The following IRAK3 variants were observed in gnomAD, a reference collection of about 807,000 sequenced individuals.
The protein encoded by IRAK3 is interleukin 1 receptor associated kinase 3.
A neutral mutation model predicts 56.6 loss-of-function variants in IRAK3; 57 were observed. That is an observed-to-expected ratio of 1.01 (90% CI 0.81 to 1.26). The LOEUF is 1.26. IRAK3 is among the 50% of genes most tolerant of loss of function. The pLI is 0.00. For synonymous variants in IRAK3, 258 were observed against 255.7 expected, an observed-to-expected ratio of 1.01 and a Z score of -0.09; for missense variants, 703 against 719.0, an observed-to-expected ratio of 0.98 and a Z score of 0.25.
At chr12:66,230,561 A>G (rs1201787069) in intron 8 of IRAK3, among the ~76,000 whole-genome samples, 1 of 151,786 alleles carries the variant, frequency 6.6e-6, no homozygotes, top group African/African-American at 2.4e-5. Flanking sequence ...GCTCCCTTCT[A>G]CCAAGACAGT....
At chr12:66,222,967 G>A (rs1196004455) in intron 6 of IRAK3, among the ~76,000 whole-genome samples, 3 of 151,644 alleles carry the variant, frequency 2.0e-5, no homozygotes, top group South Asian at 4.2e-4. Context: ...GGGTGGAGCC[G>A]TTTTATAGGA....
At chr12:66,205,969 A>G (rs1187931543) in intron 2 of IRAK3, among the ~76,000 whole-genome samples, 2 of 152,140 alleles carry the variant, frequency 1.3e-5, no homozygotes, top group Non-Finnish European at 2.9e-5. Context: ...TTTTGTTATT[A>G]TATTTCTGGC....
intron 8 of IRAK3, chr12:66,234,200 G>T (rs982866797): frequency 6.2e-7 from 1 of 1,614,032 alleles, no homozygotes. Flanking sequence ...TGGCAAGTAG[G>T]CTCCTTGCAT....
At chr12:66,204,485 G>T (rs1415493479) in intron 2 of IRAK3, among the ~76,000 whole-genome samples, 2 of 152,064 alleles carry the variant, frequency 1.3e-5, no homozygotes, top group Non-Finnish European at 2.9e-5. Flanking sequence ...TTCTGGGTCT[G>T]TGTCATGCCT....
At chr12:66,207,765 C>T (rs2052571191) in intron 2 of IRAK3, among the ~76,000 whole-genome samples, 2 of 152,000 alleles carry the variant, frequency 1.3e-5, no homozygotes, top group African/African-American at 4.8e-5. Flanking sequence ...TCTCTCATGA[C>T]TTCTTTTTTA....
intron 5 of IRAK3, among the ~76,000 whole-genome samples, chr12:66,214,585 A>C (rs1450493409): frequency 8.0e-6 from 1 of 125,268 alleles, no homozygotes; most frequent in Non-Finnish European, 1.9e-5. Context: ...GACTGGAGGC[A>C]GAAAGACCTG....
intron 1 of IRAK3, among the ~76,000 whole-genome samples, chr12:66,192,889 A>G (rs2052412358): frequency 6.6e-6 from 1 of 152,170 alleles, no homozygotes; most frequent in Non-Finnish European, 1.5e-5. Flanking sequence ...ACTTGCCTTG[A>G]GTCACAGTCT....
intron 1 of IRAK3, chr12:66,197,235 T>C (rs2052462942): frequency 8.2e-7 from 1 of 1,221,888 alleles, no homozygotes; most frequent in East Asian, 3.4e-5. Flanking sequence ...CAGTTTAGAA[T>C]GCTTTTAACT....
intron 5 of IRAK3, among the ~76,000 whole-genome samples, chr12:66,213,630 T>C (rs1187026023): frequency 6.6e-6 from 1 of 152,076 alleles, no homozygotes; most frequent in East Asian, 1.9e-4. Flanking sequence ...TAATGATATG[T>C]CAACTTAAGA....
chr12:66,233,290 A>G (rs1016126476), intron 8 of IRAK3, among the ~76,000 whole-genome samples: 2 of 152,170 alleles, frequency 1.3e-5, no homozygotes, highest in African/African-American at 4.8e-5. Flanking sequence ...AGGACGAGGC[A>G]GGCGGATCAC....
intron 1 of IRAK3, 96 bp from the exon 2 acceptor site, chr12:66,203,615 T>C: frequency 8.9e-7 from 1 of 1,118,814 alleles, no homozygotes; most frequent in Non-Finnish European, 1.3e-6. Flanking sequence ...AAGTTAAAGT[T>C]ATAAATAAGA....
intron 8 of IRAK3, among the ~76,000 whole-genome samples, chr12:66,238,502 T>C (rs1241438930): frequency 1.3e-5 from 2 of 152,204 alleles, no homozygotes; most frequent in African/African-American, 4.8e-5. Flanking sequence ...TCATGCACTT[T>C]TTAAGGAATT....
chr12:66,217,308 GCA>G (rs929631728), intron 6 of IRAK3, 73 bp downstream of exon 6: 2 of 1,100,646 alleles, frequency 1.8e-6, no homozygotes, highest in African/African-American at 1.5e-5. Context: ...TTATTTTACA[GCA>G]CAGAGCTTGG....
intron 1 of IRAK3, among the ~76,000 whole-genome samples, chr12:66,195,941 G>T (rs976452782): frequency 2.6e-5 from 4 of 151,670 alleles, no homozygotes; most frequent in African/African-American, 9.7e-5. Flanking sequence ...ACAGGTGTGA[G>T]CCACCACACC....
chr12:66,199,680 T>C (rs2052488461), intron 1 of IRAK3, among the ~76,000 whole-genome samples: 1 of 152,212 alleles, frequency 6.6e-6, no homozygotes, highest in African/African-American at 2.4e-5. Context: ...ATTACTGTAT[T>C]ACTGGCATAT....
chr12:66,211,374 T>A, intron 4 of IRAK3, 72 bp from the exon 5 acceptor site: 1 of 1,158,586 alleles, frequency 8.6e-7, no homozygotes, highest in South Asian at 1.3e-5. Flanking sequence ...TTGTTTCTAA[T>A]ATAGAAATTT....
chr12:66,245,370 A>G (rs914145479), intron 11 of IRAK3, 108 bp downstream of exon 11: 23 of 1,152,474 alleles, frequency 2.0e-5, no homozygotes, highest in Non-Finnish European at 2.7e-5. Flanking sequence ...AGACAAATCC[A>G]GCCTCCAACA....
In IRAK3 at chr12:66,234,555, C is replaced by T. The variant is rs2052882104; in HGVS notation, c.887+6185C>T. The T allele has an allele frequency of 5.0e-6, 8 of 1,611,802 alleles. No homozygotes were observed. In the Admixed American group the frequency reaches 5.0e-5, roughly 10 times the overall value. The stretch of plus-strand genomic sequence containing the variant: ...ATTCCAGTAAGTCTCACCTCTCCTT[C>T]TCTATGCCATGGTCTTCCATTAGGG... On this transcript the variant is annotated intron_variant, in intron 8 of 11. Coordinates refer to ENST00000261233, the MANE Select transcript of IRAK3 (RefSeq NM_007199.3).
rs2053120402 is a variant in IRAK3 at position 66,253,379 on chromosome 12, C to A, written c.*5208C>A. On this transcript the variant is annotated 3_prime_UTR_variant, in exon 12 of 12. Coordinates refer to ENST00000261233, the MANE Select transcript of IRAK3 (RefSeq NM_007199.3). ...CAAACCATGTCTAAGCAATGAAAAA[C>A]CAGTGTTCTGGCAGGAAATAAACTG... is the stretch of plus-strand genomic sequence containing the variant. The A allele has an allele frequency of 6.6e-6, 1 of 152,186 alleles. No individual in the cohort carries two copies. 9.4% of individuals were successfully genotyped at this position (152,186 alleles called of 1,614,324 possible). A position where few individuals can be genotyped will look rare whatever the true frequency, so the allele number is the denominator to read the frequency against.
Sources: gnomAD v4.1 joint callset for allele counts (sites outside exome capture counted in the v4.1 genomes callset) on GRCh38, gnomAD v4.1.1 for gene constraint, MANE v1.5 for transcripts, NCBI Gene and HGNC (gene_info 2026-07-23, HGNC 2026-07-21) for gene names.